Variants in TSPAN9 observed in about 807,000 individuals in gnomAD.
TSPAN9 encodes the protein tetraspanin 9.
TSPAN9 carries 16 observed loss-of-function variants against 31.0 expected under a neutral mutation model. The ratio of observed to expected loss-of-function variants is 0.52; its 90% confidence interval spans 0.35 to 0.78. The LOEUF (loss-of-function observed/expected upper bound fraction) is 0.78. Ranked by LOEUF, TSPAN9 falls within the 30% of genes least tolerant of loss-of-function variation. The pLI is 0.01. For synonymous variants in TSPAN9, 145 were observed against 121.6 expected (o/e 1.19, Z -1.27); for missense variants, 272 against 312.5 (o/e 0.87, Z 0.98).
intron 3 of TSPAN9, among the ~76,000 whole-genome samples, chr12:3,229,559 G>A (rs1487745168): frequency 6.6e-6 from 1 of 152,200 alleles, no homozygotes; most frequent in African/African-American, 2.4e-5. Flanking sequence ...CCTGTCTGGG[G>A]CTTACTGGCA....
rs547613637 is a variant in TSPAN9 at position 3,274,590 on chromosome 12, A to G, written c.64-3831A>G. ...GGGAGCAGGTAGTGAAGGCTTCTGC[A>G]CCAAATGCCAGAAACCAAGGTTTTG... On this transcript the variant is annotated intron_variant, in intron 3 of 8. Coordinates refer to ENST00000011898, the MANE Select transcript of TSPAN9 (RefSeq NM_006675.5). 7.3e-4 allele frequency among the ~76,000 whole-genome samples: 111 copies of G among 152,358 alleles called. 1 individual carries two copies. The highest frequency in any genetic ancestry group is 2.6e-3 in the African/African-American group (109 of 41,594).
At chr12:3,216,809 GGTGGAACCTCCTT>G (rs1474498891) in intron 3 of TSPAN9, among the ~76,000 whole-genome samples, 1 of 152,210 alleles carries the variant, frequency 6.6e-6, no homozygotes, top group East Asian at 1.9e-4. Flanking sequence ...ACCCTAGGGA[GGTGGAACCTCCTT>G]GGCCAAGGCC....
chr12:3,182,444 A>G (rs985052628), intron 2 of TSPAN9, among the ~76,000 whole-genome samples: 6 of 149,032 alleles, frequency 4.0e-5, no homozygotes, highest in Admixed American at 2.0e-4. Flanking sequence ...TTCTCTTCCT[A>G]TGACTTTCTT....
chr12:3,230,591 G>A (rs964641116), intron 3 of TSPAN9, among the ~76,000 whole-genome samples: 4 of 152,118 alleles, frequency 2.6e-5, no homozygotes, highest in African/African-American at 7.2e-5. Flanking sequence ...TCAACACTTC[G>A]GAGTGTGGTC....
At chr12:3,207,701 G>T (rs1430361828) in intron 3 of TSPAN9, among the ~76,000 whole-genome samples, 1 of 152,154 alleles carries the variant, frequency 6.6e-6, no homozygotes. Context: ...AGGGGAGGCT[G>T]CAGGATTTCA....
At chr12:3,278,863 C>A in intron 4 of TSPAN9, 129 bp from the exon 5 acceptor site, 1 of 1,049,150 alleles carries the variant, frequency 9.5e-7, no homozygotes, top group Non-Finnish European at 1.4e-6. Context: ...TGGGTTTCCT[C>A]AGGAGGAGCT....
chr12:3,137,898 T>G (rs1347213678), intron 2 of TSPAN9, among the ~76,000 whole-genome samples: 1 of 152,232 alleles, frequency 6.6e-6, no homozygotes, highest in Non-Finnish European at 1.5e-5. Flanking sequence ...CCCAGGCCCC[T>G]TGAAGCTCAA....
rs1438190215 is a variant in TSPAN9, at chr12:3,168,533, G to C, written c.-17-32644G>C. Among the ~76,000 whole-genome samples, 1 of 152,212 alleles carries C rather than the reference G, an allele frequency of 6.6e-6. No individual in the cohort carries two copies. The highest frequency in any genetic ancestry group is 1.5e-5 in the Non-Finnish European group (1 of 68,034). On this transcript the variant is annotated intron_variant, in intron 2 of 8. Coordinates refer to ENST00000011898, the MANE Select transcript of TSPAN9 (RefSeq NM_006675.5). This position sits in a 1 kb window ranked among gnomAD's most constrained non-coding sequence, Gnocchi z 4.0. ...GAGTGTCACAAGCTGGGAGGTGCCAGAGCTGGGGGGCGGTGGGGAGCTGAC... is the reference window on the plus strand; with the variant it reads ...GAGTGTCACAAGCTGGGAGGTGCCACAGCTGGGGGGCGGTGGGGAGCTGAC...
At position 3,112,709 on chromosome 12, in the gene TSPAN9, C is replaced by T. The variant is rs549948735; in HGVS notation, c.-18+28990C>T. On this transcript the variant is annotated intron_variant, in intron 2 of 8. Transcript: ENST00000011898. ...TTTTTTTTTTTTGGAGACAGAGTCT[C>T]ACTCTGTCACCCAGGCTGGAGTGCA... 7.6e-4 allele frequency among the ~76,000 whole-genome samples: 85 copies of T among 112,284 alleles called. 2 individuals are homozygous for T. The highest frequency in any genetic ancestry group is 4.1e-3 in the Admixed American group (34 of 8,390). 73.7% of individuals were successfully genotyped at this position (112,284 alleles called of 152,430 possible). A position where few individuals can be genotyped will look rare whatever the true frequency, so the allele number is the denominator to read the frequency against.
chr12:3,256,674 C>G (rs1862353403), intron 3 of TSPAN9, among the ~76,000 whole-genome samples: 1 of 152,188 alleles, frequency 6.6e-6, no homozygotes, highest in Admixed American at 6.5e-5. Context: ...AGCGGCGCCC[C>G]TGATCTTGAC....
At chr12:3,268,533 CCT>C (rs1862589109) in intron 3 of TSPAN9, among the ~76,000 whole-genome samples, 1 of 124,652 alleles carries the variant, frequency 8.0e-6, no homozygotes. Flanking sequence ...TGCAGCCTGC[CCT>C]CTCTGTGTTC....
chr12:3,157,130 C>G (rs908263337), intron 2 of TSPAN9, among the ~76,000 whole-genome samples: 1 of 147,244 alleles, frequency 6.8e-6, no homozygotes. Flanking sequence ...GACGGAGTCT[C>G]GCTCTGTCAC....
At chr12:3,100,087 G>T (rs941033289) in intron 2 of TSPAN9, among the ~76,000 whole-genome samples, 2 of 151,918 alleles carry the variant, frequency 1.3e-5, no homozygotes, top group Admixed American at 6.6e-5. Flanking sequence ...ATGGTGATCC[G>T]CCCGCCTCGG....
intron 3 of TSPAN9, among the ~76,000 whole-genome samples, chr12:3,229,649 G>A (rs2098389640): frequency 6.6e-6 from 1 of 152,266 alleles, no homozygotes; most frequent in Non-Finnish European, 1.5e-5. Flanking sequence ...CTGGCTGGGG[G>A]TAGAGGATGC....
chr12:3,082,032 G>A (rs1351805883), intron 1 of TSPAN9, among the ~76,000 whole-genome samples: 4 of 151,860 alleles, frequency 2.6e-5, no homozygotes, highest in African/African-American at 9.7e-5. Context: ...TTCTGATGCT[G>A]CAAAAATAAA....
Position 3,278,495 on chromosome 12 carries a change from C to T in TSPAN9, c.138C>T (p.Pro46=). The T allele has an allele frequency of 6.2e-7, 1 of 1,614,246 alleles. No individual in the cohort carries two copies. Among genetic ancestry groups the T allele is most frequent in the Non-Finnish European group, 8.5e-7 (1 of 1,180,040 alleles). The change falls in exon 4 of 9, where the codon CCC becomes CCT. Residue 46 remains proline, a synonymous_variant. Coordinates refer to ENST00000011898, the MANE Select transcript of TSPAN9 (RefSeq NM_006675.5). ...AAGGCAACTTTGCCACCTTCTCCCC[C>T]AGCTTCCCTTCGTTGTCTGCAGCCA... The part of the protein sequence containing the change: ...VSQGNFATFS[P]SFPSLSAANL...
At position 3,283,221 on chromosome 12, in the gene TSPAN9, A is replaced by C. The variant is rs1591725585; in HGVS notation, c.*105A>C. On this transcript the variant is annotated 3_prime_UTR_variant, in exon 9 of 9. Coordinates refer to ENST00000011898, the MANE Select transcript of TSPAN9 (RefSeq NM_006675.5). Reference sequence around the variant, plus strand: ...CTCTCCAGATATGACCCCTGCACCCACCCCCCACAGCCTGCCCTACCCCAC... The same window carrying C: ...CTCTCCAGATATGACCCCTGCACCCCCCCCCCACAGCCTGCCCTACCCCAC... 6.1e-5 allele frequency: 71 copies of C among 1,172,372 alleles called. No homozygotes were observed. The highest frequency in any genetic ancestry group is 2.0e-4 in the Middle Eastern group (1 of 4,904). 72.6% of individuals were successfully genotyped at this position (1,172,372 alleles called of 1,614,324 possible). A position where few individuals can be genotyped will look rare whatever the true frequency, so the allele number is the denominator to read the frequency against.
At chr12:3,159,200 G>T (rs2098343812) in intron 2 of TSPAN9, among the ~76,000 whole-genome samples, 1 of 151,508 alleles carries the variant, frequency 6.6e-6, no homozygotes, top group South Asian at 2.1e-4. Context: ...GGAGGGTGAA[G>T]TAGAAAGCAC....
rs2098352315 is a variant in TSPAN9, at chr12:3,172,254, C to G, written c.-17-28923C>G. ...CCCAGCCTCAGCTCTCAGCGCACTGCTGGGGAGCGAGGGATGCAGATTGGT... is the reference window on the plus strand; with the variant it reads ...CCCAGCCTCAGCTCTCAGCGCACTGGTGGGGAGCGAGGGATGCAGATTGGT... On this transcript the variant is annotated intron_variant, in intron 2 of 8. Transcript: ENST00000011898. The surrounding 1 kb of genome is among the most constrained non-coding windows in gnomAD (Gnocchi z 4.8). 6.6e-6 allele frequency: 1 copy of G among 152,356 alleles called. No individual in the cohort carries two copies. The highest frequency in any genetic ancestry group is 1.5e-5 in the Non-Finnish European group (1 of 68,112). 9.4% of individuals were successfully genotyped at this position (152,356 alleles called of 1,614,324 possible).
Sources: gnomAD v4.1 joint callset for allele counts (sites outside exome capture counted in the v4.1 genomes callset) on GRCh38, gnomAD v4.1.1 for gene constraint, Gnocchi (gnomAD v3.1) non-coding constraint, MANE v1.5 for transcripts, NCBI Gene and HGNC (gene_info 2026-07-23, HGNC 2026-07-21) for gene names.